CES5A: variants seen among roughly 807,000 people sequenced by gnomAD.
CES5A encodes carboxylesterase 5A, also known as carboxylesterase 5.
A neutral mutation model predicts 62.9 loss-of-function variants in CES5A; 67 were observed. That is an observed-to-expected ratio of 1.07 (90% CI 0.88 to 1.31). The LOEUF (loss-of-function observed/expected upper bound fraction) is 1.31. CES5A is among the 50% of genes most tolerant of loss of function. The pLI, the probability that CES5A is intolerant of heterozygous loss-of-function variation, is 0.00. For missense variants in CES5A, 748 were observed against 708.5 expected, an observed-to-expected ratio of 1.06 and a Z score of -0.63; for synonymous variants, 296 against 280.8, an observed-to-expected ratio of 1.05 and a Z score of -0.54.
intron 2 of CES5A, among the ~76,000 whole-genome samples, chr16:55,946,949 T>A (rs1320074251): frequency 4.6e-5 from 7 of 152,206 alleles, no homozygotes; most frequent in African/African-American, 1.4e-4. Context: ...TGCTGCTGAC[T>A]TCACATCTGC....
At chr16:55,954,651 G>A (rs964262379) in intron 1 of CES5A, among the ~76,000 whole-genome samples, 1 of 152,132 alleles carries the variant, frequency 6.6e-6, no homozygotes, top group African/African-American at 2.4e-5. Flanking sequence ...AGCTTGGTGC[G>A]GGAGAGAGGT....
At chr16:55,886,123 A>C (rs1597134954) in intron 1 of CES5A, among the ~76,000 whole-genome samples, 1 of 152,214 alleles carries the variant, frequency 6.6e-6, no homozygotes, top group Non-Finnish European at 1.5e-5. Flanking sequence ...CTAAAATTCA[A>C]CTGTTACATA....
intron 4 of CES5A, among the ~76,000 whole-genome samples, chr16:55,866,686 A>AAAAAAAAAAAAAAAAAAAAAAAAAG (rs2033471474): frequency 6.7e-6 from 1 of 149,062 alleles, no homozygotes. Flanking sequence ...AAATACAAAA[A>AAAAAAAAAAAAAAAAAAAAAAAAAG]AATTAGCTGG....
chr16:55,863,543 C>A, intron 5 of CES5A, 91 bp from the exon 6 acceptor site: 1 of 764,046 alleles, frequency 1.3e-6, no homozygotes, highest in Non-Finnish European at 2.4e-6. Context: ...TCCCAGGAAG[C>A]CTCCTTAAAA....
intron 2 of CES5A, among the ~76,000 whole-genome samples, chr16:55,932,423 T>A (rs904354475): frequency 8.5e-5 from 13 of 152,164 alleles, no homozygotes. Flanking sequence ...TCTCTGTTCT[T>A]GTGGAGTTTA....
chr16:55,942,787 G>A lies in CES5A; in HGVS notation c.160+6998C>T, dbSNP rs549745217. On this transcript the variant is annotated intron_variant, in intron 2 of 13. Transcript: ENST00000521992. The stretch of plus-strand genomic sequence containing the variant: ...GGAAATAACTCAAATGTTTTCCATA[G>A]TAAAATAGATAAACAAATAGTGGTA... 1.7e-3 allele frequency among the ~76,000 whole-genome samples: 261 copies of A among 152,280 alleles called. 1 individual carries two copies. Among genetic ancestry groups the A allele is most frequent in the Admixed American group, 5.1e-3 (78 of 15,300 alleles).
intron 1 of CES5A, among the ~76,000 whole-genome samples, chr16:55,952,527 C>T (rs1401873142): frequency 6.6e-6 from 1 of 151,960 alleles, no homozygotes; most frequent in Non-Finnish European, 1.5e-5. Context: ...TGTGGCAAGA[C>T]CGAGTGTGAG....
chr16:55,909,629 C>G (rs1360514671), intron 1 of CES5A, among the ~76,000 whole-genome samples: 1 of 152,102 alleles, frequency 6.6e-6, no homozygotes, highest in African/African-American at 2.4e-5. Flanking sequence ...ATCTCACCCT[C>G]TCTTGAGTTC....
intron 1 of CES5A, among the ~76,000 whole-genome samples, chr16:55,950,176 A>G (rs2034539572): frequency 6.6e-6 from 1 of 152,112 alleles, no homozygotes. Flanking sequence ...AGGAGCACCA[A>G]TGTCCAAGGC....
At chr16:55,905,370 A>ATT (rs368761640) in intron 1 of CES5A, among the ~76,000 whole-genome samples, 34,744 of 146,306 alleles carry the variant, frequency 0.24, 4,856 homozygotes, top group Non-Finnish European at 0.31. Context: ...TTTAAATCTG[A>ATT]CTTTTTTTTT....
rs1395106240 is a variant in CES5A at position 55,866,078 on chromosome 16, T to C, written c.590A>G (p.Lys197Arg). The change falls in exon 5 of 13, where the codon AAG becomes AGG. Residue 197 changes from lysine (K) to arginine (R), a missense_variant. Transcript: ENST00000290567. ...CCAGGACAGAGCAGCCACCTGGTCC[T>C]TGAAGGCCCAGTTCCCCGGAGCATG... ...DQHAPGNWAF[K>R]DQVAALSWVQ... The C allele has an allele frequency of 1.2e-6, 2 of 1,613,868 alleles. No individual in the cohort carries two copies. The highest frequency in any genetic ancestry group is 2.7e-5 in the African/African-American group (2 of 74,928).
chr16:55,855,635 G>C (rs1389065486), intron 9 of CES5A, among the ~76,000 whole-genome samples: 3 of 152,188 alleles, frequency 2.0e-5, no homozygotes, highest in East Asian at 3.8e-4. Context: ...CCACATTAAT[G>C]CATCCACAGA....
chr16:55,858,125 G>A (rs1285245545), intron 8 of CES5A, among the ~76,000 whole-genome samples: 4 of 152,194 alleles, frequency 2.6e-5, no homozygotes, highest in African/African-American at 9.7e-5. Context: ...CTTGGACCCA[G>A]GAGGTGGAGG....
chr16:55,929,856 A>G (rs188002895), upstream of CES5A, among the ~76,000 whole-genome samples: 13 of 152,282 alleles, frequency 8.5e-5, no homozygotes, highest in Non-Finnish European at 1.2e-4. Context: ...GCAGAAATCT[A>G]TCTTAAGTAC....
chr16:55,864,626 G>T (rs2033418130), intron 5 of CES5A, among the ~76,000 whole-genome samples: 1 of 152,224 alleles, frequency 6.6e-6, no homozygotes, highest in Non-Finnish European at 1.5e-5. Context: ...CAGGCATAGT[G>T]GCTCACGCCT....
intron 1 of CES5A, among the ~76,000 whole-genome samples, chr16:55,953,204 T>C (rs1359698184): frequency 6.6e-6 from 1 of 152,214 alleles, no homozygotes. Context: ...AATGTTTTTA[T>C]ACAATAGACC....
chr16:55,882,105 T>C (rs953615348), intron 1 of CES5A, among the ~76,000 whole-genome samples: 2 of 152,168 alleles, frequency 1.3e-5, no homozygotes, highest in Non-Finnish European at 2.9e-5. Context: ...AAAAATCCCT[T>C]ACTAGATCTT....
At chr16:55,903,854 C>T (rs2034014131) in intron 1 of CES5A, among the ~76,000 whole-genome samples, 1 of 152,168 alleles carries the variant, frequency 6.6e-6, no homozygotes. Context: ...ATTTAGATTG[C>T]AACTCTTCCC....
Position 55,869,754 on chromosome 16 carries a change from G to A in CES5A, c.418-10C>T, listed in dbSNP as rs13338809. 6.0e-3 allele frequency: 9,617 copies of A among 1,595,094 alleles called. 431 individuals carry two copies. In the African/African-American group the frequency reaches 0.1, roughly 17 times the overall value. On this transcript the variant is annotated splice_polypyrimidine_tract_variant and intron_variant, in intron 3 of 12. Coordinates refer to ENST00000290567, the MANE Select transcript of CES5A (RefSeq NM_001143685.2). ...GGAACCACACCAAGACCTGAGGAGGGGAGAAGAGCATCCAGTCAGCCCACC... is the reference window on the plus strand; with the variant it reads ...GGAACCACACCAAGACCTGAGGAGGAGAGAAGAGCATCCAGTCAGCCCACC...
Sources: allele counts gnomAD v4.1 joint callset (sites outside exome capture counted in the v4.1 genomes callset), GRCh38; gene constraint gnomAD v4.1.1; transcripts MANE v1.5; gene names NCBI Gene and HGNC (gene_info 2026-07-23, HGNC 2026-07-21).